Variants in SUMF1 observed in about 807,000 individuals in gnomAD.
SUMF1 encodes formylglycine-generating enzyme.
A neutral mutation model predicts 47.6 loss-of-function variants in SUMF1; 48 were observed. The observed-to-expected ratio is 1.01, with a 90% CI of 0.80 to 1.28. The LOEUF is 1.28. Among genes scored for constraint, SUMF1 ranks in the 50% most tolerant of loss-of-function variants. The pLI, the probability that SUMF1 is intolerant of heterozygous loss-of-function variation, is 0.00. For missense variants in SUMF1, 571 were observed against 485.4 expected, an observed-to-expected ratio of 1.18 and a Z score of -1.66; for synonymous variants, 230 against 192.1, an observed-to-expected ratio of 1.20 and a Z score of -1.63.
At chr3:4,342,422 A>C (rs1699290705) in intron 8 of SUMF1, among the ~76,000 whole-genome samples, 1 of 152,244 alleles carries the variant, frequency 6.6e-6, no homozygotes, top group African/African-American at 2.4e-5. Context: ...AGTCCCAGCT[A>C]CTTGGGAGGC....
chr3:4,049,948 G>C (rs1695075515), intron 9 of SUMF1, among the ~76,000 whole-genome samples: 1 of 152,010 alleles, frequency 6.6e-6, no homozygotes, highest in South Asian at 2.1e-4. Context: ...CCTGGAGTTT[G>C]GCCATCCAGT....
chr3:4,084,105 T>A (rs1204593592), intron 8 of SUMF1, among the ~76,000 whole-genome samples: 1 of 152,118 alleles, frequency 6.6e-6, no homozygotes, highest in Admixed American at 6.6e-5. Context: ...AATAATGAAT[T>A]TGCTGGTTAT....
chr3:4,252,641 A>G (rs1410816142), intron 8 of SUMF1, among the ~76,000 whole-genome samples: 2 of 152,194 alleles, frequency 1.3e-5, no homozygotes, highest in Non-Finnish European at 2.9e-5. Context: ...TGAAAGTTAC[A>G]AGCTCAAGCA....
rs562835355 is a variant in SUMF1, at chr3:4,312,153, T to A, written c.1014+64177A>T. Among the ~76,000 whole-genome samples the A allele has an allele frequency of 3.9e-5, 6 of 152,354 alleles. No homozygotes were observed. The East Asian group carries it at 1.2e-3, about 29-fold the overall frequency. Reference sequence around the variant, plus strand: ...TAATATCTATTTAAGAAATAGCATTTTTGGAATTCTGTGTGCAATTGACTT... The same window carrying A: ...TAATATCTATTTAAGAAATAGCATTATTGGAATTCTGTGTGCAATTGACTT... On this transcript the variant is annotated intron_variant and NMD_transcript_variant, in intron 8 of 12. Transcript: ENST00000448413.
chr3:4,288,945 C>A (rs894789836), intron 8 of SUMF1, among the ~76,000 whole-genome samples: 1 of 152,180 alleles, frequency 6.6e-6, no homozygotes, highest in Non-Finnish European at 1.5e-5. Flanking sequence ...CCATGAAAAT[C>A]AAGAAGGACC....
intron 8 of SUMF1, among the ~76,000 whole-genome samples, chr3:4,214,217 C>A (rs781632511): frequency 6.6e-6 from 1 of 152,140 alleles, no homozygotes; most frequent in Non-Finnish European, 1.5e-5. Flanking sequence ...GTCTCTCAGA[C>A]CACAGTGCAA....
chr3:4,074,107 A>C (rs1044076461), intron 8 of SUMF1, among the ~76,000 whole-genome samples: 6 of 152,190 alleles, frequency 3.9e-5, no homozygotes, highest in African/African-American at 1.4e-4. Context: ...CTCCTCAGCA[A>C]ATGTAAAAGA....
Position 4,303,706 on chromosome 3 carries a change from G to C in SUMF1, c.1014+72624C>G, listed in dbSNP as rs1477663954. ...CCTGGGCCTTTTTCTGTTGACCCAC[G>C]GCATCACCTTAGCAAGGGTGTTGTC... On this transcript the variant is annotated intron_variant and NMD_transcript_variant, in intron 8 of 12. Coordinates refer to the SUMF1 transcript ENST00000448413. 2.7e-6 allele frequency: 4 copies of C among 1,503,176 alleles called. No homozygotes were observed. In the African/African-American group the frequency reaches 5.6e-5, roughly 21 times the overall value. 93.1% of individuals were successfully genotyped at this position (1,503,176 alleles called of 1,614,324 possible). A position where few individuals can be genotyped will look rare whatever the true frequency, so the allele number is the denominator to read the frequency against.
chr3:4,135,275 A>G (rs1367465173), intron 8 of SUMF1, among the ~76,000 whole-genome samples: 1 of 152,162 alleles, frequency 6.6e-6, no homozygotes, highest in Admixed American at 6.5e-5. Context: ...TTTATCCACC[A>G]TGATCAAGTG....
At chr3:4,287,404 T>G (rs1346614892) in intron 8 of SUMF1, among the ~76,000 whole-genome samples, 1 of 105,798 alleles carries the variant, frequency 9.5e-6, no homozygotes, top group Admixed American at 9.2e-5. Context: ...TGAACATAAA[T>G]TGTAAAAAAA....
intron 3 of SUMF1, among the ~76,000 whole-genome samples, chr3:4,423,388 C>G (rs1267317204): frequency 6.6e-6 from 1 of 152,080 alleles, no homozygotes; most frequent in Non-Finnish European, 1.5e-5. Context: ...TTGGAGCCTA[C>G]CCCTTTTTCA....
chr3:4,416,733 C>A (rs1403014126), intron 6 of SUMF1, among the ~76,000 whole-genome samples: 1 of 83,350 alleles, frequency 1.2e-5, no homozygotes, highest in African/African-American at 4.6e-5. Flanking sequence ...ATGCAAATGC[C>A]TTGGCGCACA....
chr3:4,434,124 C>G (rs1435024060), intron 3 of SUMF1, among the ~76,000 whole-genome samples: 1 of 152,080 alleles, frequency 6.6e-6, no homozygotes, highest in Non-Finnish European at 1.5e-5. Flanking sequence ...TCACCAGAGG[C>G]TGAAGAGTTA....
At chr3:4,380,451 G>A (rs1401113004) in intron 7 of SUMF1, among the ~76,000 whole-genome samples, 1 of 152,110 alleles carries the variant, frequency 6.6e-6, no homozygotes, top group African/African-American at 2.4e-5. Context: ...GAAGGATGCG[G>A]ACTGAAAAAC....
At chr3:4,035,350 C>T (rs1228942486) in intron 9 of SUMF1, among the ~76,000 whole-genome samples, 1 of 152,096 alleles carries the variant, frequency 6.6e-6, no homozygotes, top group Non-Finnish European at 1.5e-5. Flanking sequence ...ACTGGTAGCT[C>T]CAGGCCATCA....
At chr3:4,345,328 C>T (rs308715) in intron 8 of SUMF1, among the ~76,000 whole-genome samples, 3 of 152,112 alleles carry the variant, frequency 2.0e-5, no homozygotes, top group African/African-American at 4.8e-5. Context: ...AGACTAACAG[C>T]GGATCTCTTG....
intron 3 of SUMF1, among the ~76,000 whole-genome samples, chr3:4,438,058 C>T (rs1017398367): frequency 6.6e-6 from 1 of 151,896 alleles, no homozygotes; most frequent in Non-Finnish European, 1.5e-5. Flanking sequence ...ACAAAATAGA[C>T]TTTAAGATAA....
At chr3:4,357,467 CATT>C (rs1329309791), downstream of SUMF1, among the ~76,000 whole-genome samples, 12 of 151,798 alleles carry the variant, frequency 7.9e-5, no homozygotes, top group African/African-American at 2.9e-4. Flanking sequence ...AAATTTCAGT[CATT>C]ATTTTTTGTC....
At chr3:4,190,011 A>G (rs1026001066) in intron 8 of SUMF1, among the ~76,000 whole-genome samples, 2 of 152,194 alleles carry the variant, frequency 1.3e-5, no homozygotes. Flanking sequence ...GCTTAACAAC[A>G]TCAGTGAATT....
Sources: gnomAD v4.1 joint callset for allele counts (sites outside exome capture counted in the v4.1 genomes callset) on GRCh38, gnomAD v4.1.1 for gene constraint, MANE v1.5 for transcripts, NCBI Gene and HGNC (gene_info 2026-07-23, HGNC 2026-07-21) for gene names.